The following PCDH11X variants were observed in gnomAD, a reference collection of about 807,000 sequenced individuals.
PCDH11X encodes the protein protocadherin 11 X-linked.
Under a neutral mutation model 53.3 loss-of-function variants are expected in PCDH11X, and 18 were observed. The observed-to-expected ratio is 0.34, with a 90% CI of 0.23 to 0.50. PCDH11X has a LOEUF of 0.50. PCDH11X is among the 20% of genes least tolerant of loss of function. PCDH11X has a pLI of 0.98. For synonymous variants in PCDH11X, 279 were observed against 393.3 expected (o/e 0.71, Z 3.44); for missense variants, 570 against 1,032.4 (o/e 0.55, Z 6.14).
intron 6 of PCDH11X, among the ~76,000 whole-genome samples, chrX:92,196,762 G>A (rs1267177658): frequency 1.8e-5 from 2 of 111,031 alleles, no homozygotes; most frequent in African/African-American, 6.5e-5. Context: ...ATCCCTGGCA[G>A]GGCTGCTCGG....
At chrX:92,221,305 A>G (rs2066873326) in intron 7 of PCDH11X, among the ~76,000 whole-genome samples, 1 of 106,018 alleles carries the variant, frequency 9.4e-6, no homozygotes, top group African/African-American at 3.4e-5. Context: ...ACACACACAC[A>G]CACACACACA....
intron 9 of PCDH11X, among the ~76,000 whole-genome samples, chrX:92,463,076 A>G (rs1204010733): frequency 9.3e-6 from 1 of 107,562 alleles, no homozygotes; most frequent in African/African-American, 3.5e-5. Flanking sequence ...TTCTCTTTAT[A>G]TAGCCATGAA....
intron 6 of PCDH11X, among the ~76,000 whole-genome samples, chrX:92,173,756 G>T (rs1309253245): frequency 9.2e-6 from 1 of 108,630 alleles, no homozygotes; most frequent in Non-Finnish European, 1.9e-5. Flanking sequence ...TTGGGAGGCA[G>T]GAATATTGCT....
intron 5 of PCDH11X, among the ~76,000 whole-genome samples, chrX:91,837,414 A>G (rs976732575): frequency 3.6e-5 from 4 of 111,741 alleles, no homozygotes; most frequent in Non-Finnish European, 5.6e-5. Context: ...ATGATTTTTA[A>G]GTGAGCACTT....
At chrX:92,172,345 A>G (rs1424836877) in intron 6 of PCDH11X, among the ~76,000 whole-genome samples, 1 of 108,108 alleles carries the variant, frequency 9.3e-6, no homozygotes, top group Non-Finnish European at 1.9e-5. Context: ...TTATCACCAA[A>G]GTTTTTTGTT....
At chrX:91,888,921 A>G (rs1317428594) in intron 6 of PCDH11X, among the ~76,000 whole-genome samples, 1 of 111,059 alleles carries the variant, frequency 9.0e-6, no homozygotes, top group African/African-American at 3.3e-5. Flanking sequence ...TTACAAAATC[A>G]ATGCAGAGCA....
At chrX:92,229,034 A>C (rs1443687608) in intron 7 of PCDH11X, among the ~76,000 whole-genome samples, 1 of 111,810 alleles carries the variant, frequency 8.9e-6, no homozygotes, top group Non-Finnish European at 1.9e-5. Context: ...TAAAAATCGC[A>C]AATCTCCTTT....
chrX:92,440,357 T>C (rs1242053576), intron 9 of PCDH11X, among the ~76,000 whole-genome samples: 3 of 109,325 alleles, frequency 2.7e-5, no homozygotes, highest in Admixed American at 9.9e-5. Context: ...GCCATATGTA[T>C]GTTCATGAGT....
intron 7 of PCDH11X, among the ~76,000 whole-genome samples, chrX:92,221,650 G>C (rs2066882400): frequency 9.0e-6 from 1 of 111,673 alleles, no homozygotes; most frequent in Admixed American, 9.6e-5. Context: ...ACACCACTGA[G>C]TTTGCTCAGA....
intron 5 of PCDH11X, among the ~76,000 whole-genome samples, chrX:91,843,263 ATGTGTGTGTGTGTGTG>A (rs3067347): frequency 4.4e-5 from 4 of 91,393 alleles, no homozygotes; most frequent in African/African-American, 8.0e-5. Flanking sequence ...ATACATACTT[ATGTGTGTGTGTGTGTG>A]TGTGTGTGTG....
intron 8 of PCDH11X, among the ~76,000 whole-genome samples, chrX:92,378,358 C>A (rs1229152643): frequency 9.2e-6 from 1 of 108,706 alleles, no homozygotes; most frequent in Non-Finnish European, 1.9e-5. Flanking sequence ...TAATCATATT[C>A]TAAAATTGTT....
In PCDH11X at chrX:91,885,384, C is replaced by A. The variant is rs184331588; in HGVS notation, c.3033+6111C>A. 6.9e-3 allele frequency among the ~76,000 whole-genome samples: 770 copies of A among 111,295 alleles called. 8 individuals are homozygous for A. Among genetic ancestry groups the A allele is most frequent in the African/African-American group, 0.021 (634 of 30,668 alleles). On this transcript the variant is annotated intron_variant, in intron 6 of 10. Coordinates refer to ENST00000682573, the MANE Select transcript of PCDH11X (RefSeq NM_032968.5). ...TTATATTCCTAAAATCAGTGCCCTG[C>A]AGGTAGCAAGATATACCTAGAGTGG...
At chrX:92,187,216 A>C (rs762201204) in intron 6 of PCDH11X, among the ~76,000 whole-genome samples, 1 of 111,427 alleles carries the variant, frequency 9.0e-6, no homozygotes, top group East Asian at 2.8e-4. Flanking sequence ...TCTAGAGGTG[A>C]ATCTGTTATC....
At chrX:91,969,405 A>G (rs1489919276) in intron 6 of PCDH11X, among the ~76,000 whole-genome samples, 4 of 53,674 alleles carry the variant, frequency 7.5e-5, no homozygotes, top group African/African-American at 5.4e-4. Context: ...TGTTAGATTA[A>G]AAAAAAAAGT....
chrX:92,398,383 G>A (rs1317938950), intron 9 of PCDH11X, among the ~76,000 whole-genome samples: 1 of 111,435 alleles, frequency 9.0e-6, no homozygotes, highest in Admixed American at 9.5e-5. Flanking sequence ...TTTATCATAC[G>A]CTTGAAACTG....
chrX:92,106,966 C>T (rs2064397750), intron 6 of PCDH11X, among the ~76,000 whole-genome samples: 1 of 111,838 alleles, frequency 8.9e-6, no homozygotes, highest in South Asian at 3.7e-4. Context: ...ACAATCTATT[C>T]TCTCAGAAGC....
rs1347838780 is a variant in PCDH11X at position 92,460,880 on chromosome X, G to A, written c.3344-7419G>A. ...GGAACTCCATGCAAACCATCCAAAAGACCACCACCCGCCGGAAAGTGGATG... is the reference window on the plus strand; with the variant it reads ...GGAACTCCATGCAAACCATCCAAAAAACCACCACCCGCCGGAAAGTGGATG... On this transcript the variant is annotated intron_variant, in intron 9 of 10. Transcript: ENST00000682573. 111 of 1,015,139 alleles carry A rather than the reference G, an allele frequency of 1.1e-4. No individual in the cohort carries two copies. The East Asian group carries it at 3.3e-3, about 31-fold the overall frequency. The allele number at this position is 1,015,139 out of a possible 1,213,427, so 83.7% of individuals were successfully genotyped here. A position where few individuals can be genotyped will look rare whatever the true frequency, so the allele number is the denominator to read the frequency against.
intron 6 of PCDH11X, among the ~76,000 whole-genome samples, chrX:92,092,947 G>A (rs35432214): frequency 9.0e-6 from 1 of 110,993 alleles, no homozygotes. Context: ...ATGTTGTTGT[G>A]GTAATTGTGA....
chrX:91,793,264 T>C (rs944885075), intron 1 of PCDH11X, among the ~76,000 whole-genome samples: 130 of 108,029 alleles, frequency 1.2e-3, no homozygotes, highest in Admixed American at 6.8e-3. Flanking sequence ...TAGATCCTTG[T>C]TCTTATCCCT....
Sources: allele counts gnomAD v4.1 joint callset (sites outside exome capture counted in the v4.1 genomes callset), GRCh38; gene constraint gnomAD v4.1.1; transcripts MANE v1.5; gene names NCBI Gene and HGNC (gene_info 2026-07-23, HGNC 2026-07-21).